The following KCNMA1 variants were observed in gnomAD, a reference collection of about 807,000 sequenced individuals.
KCNMA1 encodes Calcium-activated potassium channel subunit alpha-1.
KCNMA1 carries 29 observed loss-of-function variants against 140.0 expected under a neutral mutation model. That is an observed-to-expected ratio of 0.21 (90% confidence interval 0.15 to 0.28). The LOEUF is 0.28. Among genes scored for constraint, KCNMA1 ranks in the 10% least tolerant of loss-of-function variants. KCNMA1 has a pLI of 1.00. For missense variants in KCNMA1, 880 were observed against 1,602.2 expected, an observed-to-expected ratio of 0.55 and a Z score of 7.70; for synonymous variants, 612 against 611.9, an observed-to-expected ratio of 1.00 and a Z score of 0.00.
intron 10 of KCNMA1, among the ~76,000 whole-genome samples, chr10:77,088,436 T>C (rs1342544477): frequency 6.6e-6 from 1 of 151,620 alleles, no homozygotes; most frequent in Non-Finnish European, 1.5e-5. Context: ...AGTTTTTGTT[T>C]TGTTTTGTTT....
chr10:77,109,806 GA>G (rs1232539237), intron 8 of KCNMA1, among the ~76,000 whole-genome samples: 1 of 152,152 alleles, frequency 6.6e-6, no homozygotes, highest in African/African-American at 2.4e-5. Context: ...ACAAAGTATC[GA>G]CAGCTTCTAC....
At chr10:77,391,287 G>GCC (rs757349387) in intron 2 of KCNMA1, among the ~76,000 whole-genome samples, 59 of 152,192 alleles carry the variant, frequency 3.9e-4, no homozygotes, top group Non-Finnish European at 4.6e-4. Context: ...AAGGATGTGT[G>GCC]CCCTTGGAGG....
intron 14 of KCNMA1, among the ~76,000 whole-genome samples, chr10:77,043,228 C>T (rs1027488300): frequency 3.9e-5 from 6 of 152,288 alleles, no homozygotes; most frequent in African/African-American, 9.6e-5. Context: ...CATTTAAATC[C>T]GTTGCCATTG....
chr10:77,057,399 C>A (rs147659775), intron 14 of KCNMA1, among the ~76,000 whole-genome samples: 1 of 152,170 alleles, frequency 6.6e-6, no homozygotes, highest in Non-Finnish European at 1.5e-5. Context: ...TCTGAAGGAA[C>A]TGCTAACATA....
intron 19 of KCNMA1, among the ~76,000 whole-genome samples, chr10:76,972,301 C>T (rs577342777): frequency 5.3e-5 from 8 of 152,266 alleles, no homozygotes; most frequent in South Asian, 4.1e-4. Context: ...TAGTCTACCA[C>T]GGCTAGCATT....
intron 2 of KCNMA1, among the ~76,000 whole-genome samples, chr10:77,278,093 T>C (rs1454059089): frequency 6.6e-6 from 1 of 152,220 alleles, no homozygotes; most frequent in East Asian, 1.9e-4. Flanking sequence ...TTTGTGACAA[T>C]CTGTGTCACT....
chr10:77,627,082 C>T (rs913122772), intron 1 of KCNMA1, among the ~76,000 whole-genome samples: 1 of 152,150 alleles, frequency 6.6e-6, no homozygotes, highest in Non-Finnish European at 1.5e-5. Context: ...CAGAGGCATA[C>T]AGGAGCCCCA....
At chr10:77,177,236 C>CTCTT (rs1554936339) in intron 5 of KCNMA1, among the ~76,000 whole-genome samples, 1 of 152,070 alleles carries the variant, frequency 6.6e-6, no homozygotes. Context: ...CAAGGCCTCT[C>CTCTT]TCTTTCTTCC....
In KCNMA1 at chr10:77,302,940, G is replaced by A. The variant is rs565663938; in HGVS notation, c.541-51684C>T. 2.2e-3 allele frequency among the ~76,000 whole-genome samples: 332 copies of A among 152,202 alleles called. 4 individuals carry two copies. Among genetic ancestry groups the A allele is most frequent in the African/African-American group, 7.8e-3 (323 of 41,526 alleles). On this transcript the variant is annotated intron_variant, in intron 2 of 27. Transcript: ENST00000286628. ...CTTTAAACTGGCTTTGGTTTGCAGG[G>A]GGGGGTTTCACTGGGGACTCACCTG...
chr10:77,331,168 T>C (rs1263019314), intron 2 of KCNMA1, among the ~76,000 whole-genome samples: 1 of 152,118 alleles, frequency 6.6e-6, no homozygotes. Flanking sequence ...GTGGCTTATC[T>C]AGAGAACTTT....
intron 1 of KCNMA1, among the ~76,000 whole-genome samples, chr10:77,491,494 C>T (rs1035235950): frequency 3.3e-5 from 5 of 152,144 alleles, no homozygotes; most frequent in African/African-American, 9.7e-5. Flanking sequence ...GAGGCCACCC[C>T]GCCCTCCAAG....
rs759996364 is a variant in KCNMA1 at position 77,088,867 on chromosome 10, A to G, written c.1334+1533T>C. On this transcript the variant is annotated intron_variant, in intron 10 of 27. Coordinates refer to ENST00000286628, the MANE Select transcript of KCNMA1 (RefSeq NM_001161352.2). The stretch of plus-strand genomic sequence containing the variant: ...TAATACCATAGACTGATGCTCCTTG[A>G]AAGAGATGTCCCCAGTCACTTCTGC... Among the ~76,000 whole-genome samples, 31 of 152,192 alleles carry G rather than the reference A, an allele frequency of 2.0e-4. 1 individual carries two copies. The highest frequency in any genetic ancestry group is 4.2e-4 in the South Asian group (2 of 4,818).
intron 1 of KCNMA1, chr10:77,636,672 C>A: frequency 6.5e-7 from 1 of 1,534,282 alleles, no homozygotes; most frequent in East Asian, 2.4e-5. Flanking sequence ...ATCTCCCCAA[C>A]TTCTCTCGCC....
At chr10:77,186,471 C>T (rs1253089202) in intron 3 of KCNMA1, among the ~76,000 whole-genome samples, 1 of 152,076 alleles carries the variant, frequency 6.6e-6, no homozygotes, top group Non-Finnish European at 1.5e-5. Flanking sequence ...TGAAAGGAGA[C>T]ACAAGCAAGG....
intron 1 of KCNMA1, among the ~76,000 whole-genome samples, chr10:77,521,049 C>G (rs1360953951): frequency 6.6e-6 from 1 of 152,240 alleles, no homozygotes; most frequent in Non-Finnish European, 1.5e-5. Context: ...CATGGAGCAA[C>G]TGCTACGACG....
chr10:77,229,730 C>T (rs2052902105), intron 3 of KCNMA1, among the ~76,000 whole-genome samples: 1 of 151,924 alleles, frequency 6.6e-6, no homozygotes, highest in Non-Finnish European at 1.5e-5. Context: ...CTGAGACGAA[C>T]CAAGGGAGTA....
At chr10:77,435,125 A>G (rs2097233439) in intron 1 of KCNMA1, among the ~76,000 whole-genome samples, 1 of 151,360 alleles carries the variant, frequency 6.6e-6, no homozygotes, top group Non-Finnish European at 1.5e-5. Context: ...TTTTGTAGAG[A>G]TGGTGTCTCC....
At chr10:77,437,941 G>A (rs2154504148) in intron 1 of KCNMA1, among the ~76,000 whole-genome samples, 1 of 152,332 alleles carries the variant, frequency 6.6e-6, no homozygotes, top group East Asian at 1.9e-4. Context: ...TGGTGGCCTG[G>A]AAATCACACA....
intron 5 of KCNMA1, among the ~76,000 whole-genome samples, chr10:77,183,199 T>C (rs1294803997): frequency 2.6e-5 from 4 of 152,140 alleles, no homozygotes; most frequent in Non-Finnish European, 5.9e-5. Flanking sequence ...GCTTTGACAA[T>C]GATAAAACTG....
Sources: allele counts gnomAD v4.1 joint callset (sites outside exome capture counted in the v4.1 genomes callset), GRCh38; gene constraint gnomAD v4.1.1; transcripts MANE v1.5; gene names NCBI Gene and HGNC (gene_info 2026-07-23, HGNC 2026-07-21).